Variants in SKAP1 observed in about 807,000 individuals in gnomAD.
SKAP1 encodes the protein src kinase associated phosphoprotein 1, also known as src kinase-associated phosphoprotein 1.
A neutral mutation model predicts 58.5 loss-of-function variants in SKAP1; 44 were observed. That is an observed-to-expected ratio of 0.75 (90% CI 0.59 to 0.97). The LOEUF (loss-of-function observed/expected upper bound fraction) is 0.97. SKAP1 is among the 50% of genes least tolerant of loss of function. The probability of loss-of-function intolerance (pLI) is 0.00; values close to 1 mark genes in which losing one functional copy is unlikely to be tolerated. For synonymous variants in SKAP1, 127 were observed against 149.7 expected (o/e 0.85, Z 1.11); for missense variants, 390 against 435.2 (o/e 0.90, Z 0.92).
intron 4 of SKAP1, among the ~76,000 whole-genome samples, chr17:48,336,252 A>C (rs1312294942): frequency 3.3e-5 from 5 of 152,158 alleles, no homozygotes; most frequent in African/African-American, 1.2e-4. Context: ...GATGATCACC[A>C]ATACCAACAT....
intron 4 of SKAP1, among the ~76,000 whole-genome samples, chr17:48,323,083 G>A (rs2066390529): frequency 6.6e-6 from 1 of 151,896 alleles, no homozygotes. Context: ...GCAACAGAGT[G>A]AGACTCTGTC....
the SKAP1 span, among the ~76,000 whole-genome samples, chr17:48,441,079 T>G: frequency 6.6e-6 from 1 of 152,214 alleles, no homozygotes; most frequent in Non-Finnish European, 1.5e-5. Flanking sequence ...CTTCTCTGAT[T>G]CTTTCACTTT....
chr17:48,361,403 C>T (rs2066937539), intron 3 of SKAP1, among the ~76,000 whole-genome samples: 2 of 151,822 alleles, frequency 1.3e-5, no homozygotes, highest in African/African-American at 4.8e-5. Context: ...CAGGGTTTCA[C>T]CATGTTGGTC....
chr17:48,423,485 C>G (rs1458423429), intron 1 of SKAP1, among the ~76,000 whole-genome samples: 2 of 152,152 alleles, frequency 1.3e-5, no homozygotes, highest in South Asian at 2.1e-4. Context: ...GCATTATATT[C>G]TAGATCATCA....
At chr17:48,255,002 T>G (rs1000072899) in intron 4 of SKAP1, among the ~76,000 whole-genome samples, 3 of 152,012 alleles carry the variant, frequency 2.0e-5, no homozygotes, top group Non-Finnish European at 4.4e-5. Flanking sequence ...CATGGAAACT[T>G]CTCTACACAT....
At chr17:48,171,100 T>TTG (rs1162097830) in intron 9 of SKAP1, among the ~76,000 whole-genome samples, 2 of 144,594 alleles carry the variant, frequency 1.4e-5, no homozygotes, top group Non-Finnish European at 3.1e-5. Flanking sequence ...GTTGTTTTTT[T>TTG]TTTTTTTTTT....
At chr17:48,412,171 T>C (rs2067672745) in intron 1 of SKAP1, among the ~76,000 whole-genome samples, 2 of 152,256 alleles carry the variant, frequency 1.3e-5, no homozygotes, top group South Asian at 2.1e-4. Flanking sequence ...AAGTGGCATA[T>C]GGTATAATCT....
chr17:48,177,532 G>C (rs923285396), intron 9 of SKAP1, among the ~76,000 whole-genome samples: 5 of 152,156 alleles, frequency 3.3e-5, no homozygotes, highest in African/African-American at 1.2e-4. Context: ...TCCTGATTTA[G>C]AGCTAGTATC....
intron 4 of SKAP1, among the ~76,000 whole-genome samples, chr17:48,312,514 T>C (rs1434563605): frequency 6.6e-6 from 1 of 152,188 alleles, no homozygotes; most frequent in Non-Finnish European, 1.5e-5. Context: ...GTTCTTATTG[T>C]TTGTCCTTTA....
chr17:48,182,236 T>A (rs1031210993), intron 8 of SKAP1, among the ~76,000 whole-genome samples, 158 bp downstream of exon 8: 3 of 152,178 alleles, frequency 2.0e-5, no homozygotes, highest in Non-Finnish European at 4.4e-5. Context: ...CATTCACACA[T>A]AGTACTATTT....
chr17:48,215,262 G>C (rs1275054166), intron 4 of SKAP1, among the ~76,000 whole-genome samples: 1 of 152,128 alleles, frequency 6.6e-6, no homozygotes, highest in Non-Finnish European at 1.5e-5. Context: ...GGGTATTCTT[G>C]TTAATGCCTA....
chr17:48,287,098 A>AAAATAAAT (rs57589895), intron 4 of SKAP1, among the ~76,000 whole-genome samples: 7,714 of 146,956 alleles, frequency 0.052, 249 homozygotes, highest in African/African-American at 0.079. Flanking sequence ...CTCCGTCTCA[A>AAAATAAAT]AAATAAATAA....
chr17:48,232,180 C>T (rs552381552), intron 4 of SKAP1, among the ~76,000 whole-genome samples: 28 of 152,304 alleles, frequency 1.8e-4, no homozygotes, highest in African/African-American at 6.3e-4. Flanking sequence ...AGTTCCTGGG[C>T]GTGCCTCAGA....
At chr17:48,305,485 A>C (rs1280836638) in intron 4 of SKAP1, among the ~76,000 whole-genome samples, 1 of 152,222 alleles carries the variant, frequency 6.6e-6, no homozygotes, top group Non-Finnish European at 1.5e-5. Context: ...AGTACTTACT[A>C]TCTGGCCCTT....
Position 48,387,353 on chromosome 17 carries a change from C to T in SKAP1, c.152+9327G>A, listed in dbSNP as rs555164218. Among the ~76,000 whole-genome samples the T allele has an allele frequency of 6.6e-5, 10 of 152,246 alleles. No individual in the cohort carries two copies. In the South Asian group the frequency reaches 1.9e-3, roughly 28 times the overall value. On this transcript the variant is annotated intron_variant, in intron 2 of 12. Transcript: ENST00000336915. ...CCCTCCTATCCCTGTGCACTCTCTTCCCTCCACCGTGCCTGTAACTGCTAA... is the reference window on the plus strand; with the variant it reads ...CCCTCCTATCCCTGTGCACTCTCTTTCCTCCACCGTGCCTGTAACTGCTAA...
At chr17:48,221,709 G>A (rs1598439951) in intron 4 of SKAP1, among the ~76,000 whole-genome samples, 1 of 152,202 alleles carries the variant, frequency 6.6e-6, no homozygotes, top group East Asian at 1.9e-4. Flanking sequence ...ATAATTGTGG[G>A]ATCAGAATTG....
At chr17:48,284,466 G>A (rs571070121) in intron 4 of SKAP1, among the ~76,000 whole-genome samples, 1 of 152,212 alleles carries the variant, frequency 6.6e-6, no homozygotes, top group South Asian at 2.1e-4. Flanking sequence ...CCTATGGTGG[G>A]TTCTGCCAAT....
At chr17:48,253,356 G>A (rs371841900) in intron 4 of SKAP1, among the ~76,000 whole-genome samples, 4 of 152,156 alleles carry the variant, frequency 2.6e-5, no homozygotes, top group Admixed American at 2.6e-4. Context: ...AGGGGAAGGA[G>A]GGAGAAGGAA....
chr17:48,356,028 G>A (rs1197970253), intron 3 of SKAP1, among the ~76,000 whole-genome samples: 7 of 152,056 alleles, frequency 4.6e-5, no homozygotes, highest in Admixed American at 3.9e-4. Context: ...ACTGAGGTGG[G>A]CAAATCTCTT....
Sources: allele counts gnomAD v4.1 joint callset (sites outside exome capture counted in the v4.1 genomes callset), GRCh38; gene constraint gnomAD v4.1.1; transcripts MANE v1.5; gene names NCBI Gene and HGNC (gene_info 2026-07-23, HGNC 2026-07-21).